DLGAP2: variants seen among roughly 807,000 people sequenced by gnomAD.
DLGAP2 encodes disks large-associated protein 2.
DLGAP2 carries 26 observed loss-of-function variants against 100.3 expected under a neutral mutation model. The ratio of observed to expected loss-of-function variants is 0.26; its 90% CI spans 0.19 to 0.36. The LOEUF is 0.36. DLGAP2 is among the 10% of genes least tolerant of loss of function. The probability of loss-of-function intolerance (pLI) is 1.00; values close to 1 mark genes in which losing one functional copy is unlikely to be tolerated. For missense variants in DLGAP2, 1,858 were observed against 1,453.2 expected (o/e 1.28, Z -4.53); for synonymous variants, 886 against 630.1 (o/e 1.41, Z -6.08).
At position 1,563,923 on chromosome 8, in the gene DLGAP2, T is replaced by G. The variant is rs149871411; in HGVS notation, c.1231-1760T>G. Among the ~76,000 whole-genome samples, 711 of 152,286 alleles carry G rather than the reference T, an allele frequency of 4.7e-3. 8 individuals carry two copies. Among genetic ancestry groups the G allele is most frequent in the African/African-American group, 0.017 (686 of 41,560 alleles). ...TAAGTAGTATACCTCAGTAGCTAAG[T>G]ATTTTACAGCAAGGAAAAAAAATAC... is the stretch of plus-strand genomic sequence containing the variant. On this transcript the variant is annotated intron_variant, in intron 5 of 14. Coordinates refer to ENST00000637795, the MANE Select transcript of DLGAP2 (RefSeq NM_001346810.2).
intron 2 of DLGAP2, among the ~76,000 whole-genome samples, chr8:1,148,268 T>G (rs1284221029): frequency 6.6e-6 from 1 of 152,204 alleles, no homozygotes; most frequent in Non-Finnish European, 1.5e-5. Flanking sequence ...CACCACCCTC[T>G]TAAAATATTC....
chr8:967,199 A>T (rs1345702464), intron 2 of DLGAP2, among the ~76,000 whole-genome samples: 2 of 152,218 alleles, frequency 1.3e-5, no homozygotes, highest in Non-Finnish European at 2.9e-5. Context: ...TACACTGTAC[A>T]CGTTTAAACA....
chr8:1,303,063 G>C (rs910237903), intron 3 of DLGAP2, among the ~76,000 whole-genome samples: 4 of 152,210 alleles, frequency 2.6e-5, no homozygotes, highest in African/African-American at 7.2e-5. Context: ...CACCTCGCAG[G>C]GGAGCGAGCG....
intron 2 of DLGAP2, among the ~76,000 whole-genome samples, chr8:1,194,905 G>C (rs560103146): frequency 6.6e-6 from 1 of 152,316 alleles, no homozygotes; most frequent in Non-Finnish European, 1.5e-5. Context: ...CTTTGCTGCT[G>C]AGACCACCTG....
At chr8:1,275,506 C>T (rs557044047) in intron 3 of DLGAP2, among the ~76,000 whole-genome samples, 2 of 151,810 alleles carry the variant, frequency 1.3e-5, no homozygotes, top group African/African-American at 2.4e-5. Context: ...GCGTCAATCC[C>T]AGATGCAGGT....
intron 2 of DLGAP2, among the ~76,000 whole-genome samples, chr8:1,252,142 G>A (rs543833341): frequency 7.1e-6 from 1 of 140,944 alleles, no homozygotes; most frequent in Non-Finnish European, 1.5e-5. Context: ...CCACACTGTG[G>A]TGTTGTCACA....
intron 4 of DLGAP2, among the ~76,000 whole-genome samples, chr8:1,542,950 C>G (rs894871373): frequency 6.6e-6 from 1 of 152,174 alleles, no homozygotes; most frequent in African/African-American, 2.4e-5. Flanking sequence ...GATTTCATTT[C>G]CCTACTGGTG....
chr8:999,875 A>G (rs558304700), intron 2 of DLGAP2, among the ~76,000 whole-genome samples: 1 of 152,288 alleles, frequency 6.6e-6, no homozygotes, highest in East Asian at 1.9e-4. Context: ...GCCCTGTTGA[A>G]TTAATGTGCT....
Position 1,548,684 on chromosome 8 carries a change from G to T in DLGAP2, c.231G>T (p.Ala77=), listed in dbSNP as rs779361143. 1.1e-5 allele frequency: 18 copies of T among 1,603,666 alleles called. No individual in the cohort carries two copies. In the East Asian group the frequency reaches 4.0e-4, roughly 36 times the overall value. ...TCAATGAGGAGCGCTACTCGCCCGC[G>T]CCCAGGAGCATGAAGGGCCTTTCCG... ...QHFNEERYSP[A]PRSMKGLSGS... The change falls in exon 5 of 15, where the codon GCG becomes GCT. Residue 77 remains alanine, a synonymous_variant. Transcript: ENST00000637795.
intron 3 of DLGAP2, among the ~76,000 whole-genome samples, chr8:1,371,802 G>A (rs1585309037): frequency 6.6e-6 from 1 of 152,166 alleles, no homozygotes; most frequent in Non-Finnish European, 1.5e-5. Context: ...CGTGCATCGT[G>A]GAACTGTCCA....
At chr8:744,926 C>T (rs1820579498) in intron 1 of DLGAP2, among the ~76,000 whole-genome samples, 1 of 152,234 alleles carries the variant, frequency 6.6e-6, no homozygotes, top group African/African-American at 2.4e-5. Context: ...GCTTCCCCAT[C>T]CCCCAGTCTG....
intron 2 of DLGAP2, among the ~76,000 whole-genome samples, chr8:993,622 C>G (rs1024705173): frequency 6.6e-6 from 1 of 152,030 alleles, no homozygotes; most frequent in Non-Finnish European, 1.5e-5. Flanking sequence ...GGTGTGTATC[C>G]TTTCTCCTGT....
At chr8:1,204,580 A>ATGGT (rs1273839488) in intron 2 of DLGAP2, among the ~76,000 whole-genome samples, 5 of 92,494 alleles carry the variant, frequency 5.4e-5, no homozygotes, top group African/African-American at 4.4e-4. Context: ...CTATGATGTG[A>ATGGT]TAGTTTGGGT....
At chr8:1,598,764 T>C (rs374614044) in intron 6 of DLGAP2, among the ~76,000 whole-genome samples, 10 of 152,316 alleles carry the variant, frequency 6.6e-5, no homozygotes, top group African/African-American at 2.2e-4. Flanking sequence ...TTTTCTTCTT[T>C]AATAGTCTGG....
chr8:1,431,104 A>G (rs191463595), intron 3 of DLGAP2, among the ~76,000 whole-genome samples: 5 of 152,324 alleles, frequency 3.3e-5, no homozygotes, highest in Middle Eastern at 3.4e-3. Context: ...GGCTACTACT[A>G]TTATTTCAAT....
chr8:772,679 T>C (rs1355056701), intron 1 of DLGAP2, among the ~76,000 whole-genome samples: 2 of 152,190 alleles, frequency 1.3e-5, no homozygotes, highest in South Asian at 2.1e-4. Flanking sequence ...CTCTGAAAAG[T>C]ATTTGAGACA....
At chr8:770,753 G>A (rs749780280) in intron 1 of DLGAP2, among the ~76,000 whole-genome samples, 28 of 152,188 alleles carry the variant, frequency 1.8e-4, no homozygotes, top group Non-Finnish European at 3.8e-4. Flanking sequence ...GAGCCCCTGA[G>A]CTGTAAAATC....
At chr8:1,359,017 G>A (rs1801917189) in intron 3 of DLGAP2, among the ~76,000 whole-genome samples, 1 of 152,206 alleles carries the variant, frequency 6.6e-6, no homozygotes, top group Non-Finnish European at 1.5e-5. Flanking sequence ...ACAGAGTGCA[G>A]GACCCTGCCC....
At chr8:1,639,429 C>T (rs1797844698) in intron 8 of DLGAP2, among the ~76,000 whole-genome samples, 1 of 152,130 alleles carries the variant, frequency 6.6e-6, no homozygotes, top group Non-Finnish European at 1.5e-5. Flanking sequence ...CTGAATTGTG[C>T]AGCCCCTCTA....
Sources: gnomAD v4.1 joint callset for allele counts (sites outside exome capture counted in the v4.1 genomes callset) on GRCh38, gnomAD v4.1.1 for gene constraint, MANE v1.5 for transcripts, NCBI Gene and HGNC (gene_info 2026-07-23, HGNC 2026-07-21) for gene names.